CAMK4: variants seen among roughly 807,000 people sequenced by gnomAD.
CAMK4 encodes calcium/calmodulin-dependent protein kinase type IV.
In CAMK4, 22 loss-of-function variants were observed where a neutral mutation model predicts 44.9. The ratio of observed to expected loss-of-function variants is 0.49; its 90% confidence interval spans 0.35 to 0.70. The LOEUF (loss-of-function observed/expected upper bound fraction) is 0.70, where lower values mean the gene tolerates loss of function less well. CAMK4 is among the 30% of genes least tolerant of loss of function. CAMK4 has a pLI of 0.01. For missense variants in CAMK4, 498 were observed against 586.8 expected, an observed-to-expected ratio of 0.85 and a Z score of 1.56; for synonymous variants, 218 against 215.4, an observed-to-expected ratio of 1.01 and a Z score of -0.11.
At chr5:111,450,645 C>G (rs1380962355) in intron 7 of CAMK4, among the ~76,000 whole-genome samples, 1 of 145,572 alleles carries the variant, frequency 6.9e-6, no homozygotes, top group African/African-American at 2.6e-5. Context: ...AAAAATAACC[C>G]GGCATGGTGG....
chr5:111,419,434 A>G lies in CAMK4; in HGVS notation c.459+24652A>G, dbSNP rs1293086969. 5.4e-5 allele frequency among the ~76,000 whole-genome samples: 8 copies of G among 148,824 alleles called. No homozygotes were observed. In the South Asian group the frequency reaches 6.4e-4, roughly 12 times the overall value. On this transcript the variant is annotated intron_variant, in intron 5 of 10. Coordinates refer to ENST00000282356, the MANE Select transcript of CAMK4 (RefSeq NM_001744.6). ...TGGTAGTTTCTTTTGCTGTGCAGAAACTCTTTAATTTAATTAGATCCCATT... is the reference window on the plus strand; with the variant it reads ...TGGTAGTTTCTTTTGCTGTGCAGAAGCTCTTTAATTTAATTAGATCCCATT...
chr5:111,321,284 G>A (rs1748651720), intron 1 of CAMK4, among the ~76,000 whole-genome samples: 1 of 152,126 alleles, frequency 6.6e-6, no homozygotes, highest in Non-Finnish European at 1.5e-5. Context: ...TAGTGTTGCT[G>A]TATTCAAGAG....
At chr5:111,228,727 C>T (rs1382716724) in intron 1 of CAMK4, among the ~76,000 whole-genome samples, 1 of 152,100 alleles carries the variant, frequency 6.6e-6, no homozygotes, top group African/African-American at 2.4e-5. Context: ...TGTTGTAGGC[C>T]ATAAATCTGT....
At position 111,326,772 on chromosome 5, in the gene CAMK4, G is replaced by A. The variant is rs554393644; in HGVS notation, c.162-17252G>A. On this transcript the variant is annotated intron_variant, in intron 1 of 10. Transcript: ENST00000282356. Reference sequence around the variant, plus strand: ...AGCAGTTGCACAATACAGGGAAGGAGTACATTGGTAGGTATTTCTTATAGA... The same window carrying A: ...AGCAGTTGCACAATACAGGGAAGGAATACATTGGTAGGTATTTCTTATAGA... Among the ~76,000 whole-genome samples the A allele has an allele frequency of 1.4e-3, 210 of 151,772 alleles. 1 individual carries two copies. The highest frequency in any genetic ancestry group is 3.4e-3 in the Middle Eastern group (1 of 294).
chr5:111,299,514 A>T (rs1747632032), intron 1 of CAMK4, among the ~76,000 whole-genome samples: 1 of 152,214 alleles, frequency 6.6e-6, no homozygotes, highest in Non-Finnish European at 1.5e-5. Context: ...CAAAGACAGA[A>T]AAGAAGGCAA....
intron 1 of CAMK4, among the ~76,000 whole-genome samples, chr5:111,285,628 C>G (rs1179477547): frequency 6.6e-6 from 1 of 152,130 alleles, no homozygotes; most frequent in African/African-American, 2.4e-5. Context: ...CACATCTTTT[C>G]TCTTTTGTTT....
At chr5:111,424,967 C>T (rs1298084646) in intron 5 of CAMK4, among the ~76,000 whole-genome samples, 1 of 151,950 alleles carries the variant, frequency 6.6e-6, no homozygotes, top group East Asian at 2.0e-4. Context: ...AGTTCAAGAC[C>T]AGCCTGGCCA....
intron 9 of CAMK4, among the ~76,000 whole-genome samples, chr5:111,480,522 A>G (rs1755400746): frequency 6.6e-6 from 1 of 152,136 alleles, no homozygotes; most frequent in Non-Finnish European, 1.5e-5. Context: ...AGACCTTAGA[A>G]CCACATAGGC....
intron 1 of CAMK4, among the ~76,000 whole-genome samples, chr5:111,308,087 C>T (rs1748005850): frequency 9.1e-6 from 1 of 110,458 alleles, no homozygotes; most frequent in Non-Finnish European, 1.8e-5. Context: ...ATATCACACT[C>T]TGGGGACTGT....
At chr5:111,471,479 C>G (rs190272684) in intron 7 of CAMK4, among the ~76,000 whole-genome samples, 128 of 152,276 alleles carry the variant, frequency 8.4e-4, no homozygotes, top group African/African-American at 3.0e-3. Context: ...TTTTATAAAG[C>G]CTCAGTGATT....
chr5:111,422,198 G>A (rs1753057459), intron 5 of CAMK4, among the ~76,000 whole-genome samples: 1 of 152,224 alleles, frequency 6.6e-6, no homozygotes, highest in South Asian at 2.1e-4. Flanking sequence ...TTGCCTTGCA[G>A]AAATATGACA....
intron 1 of CAMK4, among the ~76,000 whole-genome samples, chr5:111,250,368 A>G (rs1040609971): frequency 6.6e-6 from 1 of 152,182 alleles, no homozygotes; most frequent in Non-Finnish European, 1.5e-5. Context: ...GAAGGAAGAT[A>G]TTCTCTACTG....
Position 111,413,394 on chromosome 5 carries a change from T to G in CAMK4, c.459+18612T>G, listed in dbSNP as rs1424790490. On this transcript the variant is annotated intron_variant, in intron 5 of 10. Coordinates refer to ENST00000282356, the MANE Select transcript of CAMK4 (RefSeq NM_001744.6). ...GAGTTTGAGACCAGCCTGGCCAATA[T>G]GGTGAAACCCTGTCTCTACTAAAAA... 2.6e-5 allele frequency among the ~76,000 whole-genome samples: 4 copies of G among 151,968 alleles called. No individual in the cohort carries two copies. In the East Asian group the frequency reaches 7.7e-4, roughly 29 times the overall value.
chr5:111,258,449 G>A (rs113803161), intron 1 of CAMK4, among the ~76,000 whole-genome samples: 4,693 of 152,242 alleles, frequency 0.031, 254 homozygotes, highest in African/African-American at 0.11. Context: ...CATGGCTGGG[G>A]AGGCCTCAGA....
chr5:111,365,268 G>C (rs1297330170), intron 2 of CAMK4: 1 of 152,120 alleles, frequency 6.6e-6, no homozygotes, highest in Non-Finnish European at 1.5e-5. Context: ...TTTAAAGATA[G>C]GTAGTAGAAA....
chr5:111,483,578 A>C (rs904665073), intron 10 of CAMK4, among the ~76,000 whole-genome samples: 18 of 152,172 alleles, frequency 1.2e-4, no homozygotes, highest in Non-Finnish European at 2.1e-4. Flanking sequence ...TCCATGGTCA[A>C]ATTAATTATA....
intron 1 of CAMK4, among the ~76,000 whole-genome samples, chr5:111,316,244 C>T (rs1411435647): frequency 6.6e-6 from 1 of 152,112 alleles, no homozygotes; most frequent in African/African-American, 2.4e-5. Context: ...TGTCGCCAGT[C>T]CCCTAGGGAG....
intron 1 of CAMK4, among the ~76,000 whole-genome samples, chr5:111,238,411 C>T (rs1291160088): frequency 1.3e-5 from 2 of 152,136 alleles, no homozygotes; most frequent in Non-Finnish European, 2.9e-5. Context: ...TGAGAGCTTG[C>T]TCGCTCGCTG....
rs1331082481 is a variant in CAMK4, at chr5:111,489,343, T to C, written c.*4877T>C. 1 of 152,200 alleles carries C rather than the reference T, an allele frequency of 6.6e-6. No homozygotes were observed. The highest frequency in any genetic ancestry group is 1.5e-5 in the Non-Finnish European group (1 of 68,032). The allele number at this position is 152,200 out of a possible 1,614,324, so 9.4% of individuals were successfully genotyped here. On this transcript the variant is annotated 3_prime_UTR_variant, in exon 11 of 11. Transcript: ENST00000282356. Reference sequence around the variant, plus strand: ...TCCTCTTTCTATATTTTGACCAATATATTAAGAGCAAATTTTGTCATTATT... The same window carrying C: ...TCCTCTTTCTATATTTTGACCAATACATTAAGAGCAAATTTTGTCATTATT...
Sources: allele counts gnomAD v4.1 joint callset (sites outside exome capture counted in the v4.1 genomes callset), GRCh38; gene constraint gnomAD v4.1.1; transcripts MANE v1.5; gene names NCBI Gene and HGNC (gene_info 2026-07-23, HGNC 2026-07-21).